SNTG1: variants seen among roughly 807,000 people sequenced by gnomAD.
The protein encoded by SNTG1 is gamma-1-syntrophin.
In SNTG1, 39 loss-of-function variants were observed where a neutral mutation model predicts 74.7. The ratio of observed to expected loss-of-function variants is 0.52; its 90% CI spans 0.40 to 0.68. The LOEUF (loss-of-function observed/expected upper bound fraction) is 0.68, where lower values mean the gene tolerates loss of function less well. Among genes scored for constraint, SNTG1 ranks in the 30% least tolerant of loss-of-function variants. The probability of loss-of-function intolerance (pLI) is 0.00; values close to 1 mark genes in which losing one functional copy is unlikely to be tolerated. For synonymous variants in SNTG1, 254 were observed against 217.1 expected (o/e 1.17, Z -1.49); for missense variants, 685 against 609.5 (o/e 1.12, Z -1.30).
intron 6 of SNTG1, among the ~76,000 whole-genome samples, chr8:50,450,085 A>G (rs2093442025): frequency 6.6e-6 from 1 of 152,234 alleles, no homozygotes; most frequent in African/African-American, 2.4e-5. Flanking sequence ...TCTCATTTGC[A>G]ATTTTACTCA....
intron 1 of SNTG1, among the ~76,000 whole-genome samples, chr8:50,001,242 T>C (rs1814710641): frequency 6.6e-6 from 1 of 152,138 alleles, no homozygotes; most frequent in African/African-American, 2.4e-5. Flanking sequence ...GTTTTTTAAT[T>C]GGTGCTTATT....
At chr8:50,474,728 T>A (rs2093682135) in intron 8 of SNTG1, among the ~76,000 whole-genome samples, 2 of 152,130 alleles carry the variant, frequency 1.3e-5, no homozygotes, top group African/African-American at 4.8e-5. Context: ...CATTACTGGG[T>A]ATCTACCCAA....
chr8:50,748,699 T>C, intron 17 of SNTG1, among the ~76,000 whole-genome samples: 1 of 151,928 alleles, frequency 6.6e-6, no homozygotes, highest in East Asian at 1.9e-4. Context: ...TTAAAATGTT[T>C]CAAAGCTTTT....
rs114086522 is a variant in SNTG1, at chr8:50,329,478, G to T, written c.-27-64734G>T. ...CTCAATTCTTGACTTCTGTGTACCT[G>T]CAGGCAAAACACCACGTAGAAGCTT... On this transcript the variant is annotated intron_variant, in intron 2 of 18. Transcript: ENST00000642720. Among the ~76,000 whole-genome samples the T allele has an allele frequency of 8.8e-3, 1,335 of 152,126 alleles. 25 individuals are homozygous for T. Among genetic ancestry groups the T allele is most frequent in the African/African-American group, 0.031 (1,267 of 41,506 alleles).
intron 8 of SNTG1, among the ~76,000 whole-genome samples, chr8:50,476,529 T>A (rs1487634629): frequency 1.3e-5 from 2 of 152,142 alleles, no homozygotes; most frequent in Non-Finnish European, 2.9e-5. Flanking sequence ...AGGTTACAAA[T>A]AAGCAAGGGG....
chr8:50,168,816 A>T (rs537420892), intron 1 of SNTG1, among the ~76,000 whole-genome samples: 1 of 152,204 alleles, frequency 6.6e-6, no homozygotes, highest in African/African-American at 2.4e-5. Flanking sequence ...AGAAATCTAC[A>T]GAGAGATCCA....
intron 4 of SNTG1, among the ~76,000 whole-genome samples, chr8:50,426,530 T>C (rs1168756877): frequency 2.0e-5 from 3 of 151,834 alleles, no homozygotes; most frequent in Non-Finnish European, 4.4e-5. Context: ...CTATACAATG[T>C]GTTTGTGTTT....
chr8:50,587,922 C>A (rs1246378089), intron 12 of SNTG1, among the ~76,000 whole-genome samples: 3 of 151,646 alleles, frequency 2.0e-5, no homozygotes, highest in Non-Finnish European at 2.9e-5. Flanking sequence ...CCATTCTGGC[C>A]AACATGGTGA....
rs1405561694 is a variant in SNTG1 at position 50,571,967 on chromosome 8, T to G, written c.810+18788T>G. ...GAGCAGAGGTGGTCACACACGTCAC[T>G]TGAGGGTGCTTTGAGCTTCTTATGT... On this transcript the variant is annotated intron_variant, in intron 12 of 18. Coordinates refer to ENST00000642720, the MANE Select transcript of SNTG1 (RefSeq NM_018967.5). Among the ~76,000 whole-genome samples the G allele has an allele frequency of 9.2e-5, 14 of 152,282 alleles. 1 individual carries two copies. The East Asian group carries it at 2.5e-3, about 27-fold the overall frequency.
At chr8:50,438,502 A>G in intron 4 of SNTG1, 41 bp from the exon 5 acceptor site, 1 of 1,568,874 alleles carries the variant, frequency 6.4e-7, no homozygotes, top group Non-Finnish European at 8.8e-7. Flanking sequence ...TAAGTATAGT[A>G]TTAGGAAACA....
rs545914364 is a variant in SNTG1, at chr8:50,081,374, C to G, written c.-102-91187C>G. ...CACTTTTTGGCTTTCAGTAGTTAGA[C>G]TACTATGTGTAGATGTGTTATCTCT... is the stretch of plus-strand genomic sequence containing the variant. On this transcript the variant is annotated intron_variant, in intron 1 of 18. Transcript: ENST00000642720. 3.3e-5 allele frequency among the ~76,000 whole-genome samples: 5 copies of G among 152,250 alleles called. No individual in the cohort carries two copies. In the South Asian group the frequency reaches 1.0e-3, roughly 32 times the overall value.
intron 1 of SNTG1, among the ~76,000 whole-genome samples, chr8:50,057,655 T>C (rs1235775654): frequency 6.6e-6 from 1 of 152,100 alleles, no homozygotes; most frequent in Non-Finnish European, 1.5e-5. Flanking sequence ...GTAAGGCCTA[T>C]AGCACTATGT....
At chr8:49,938,064 G>T (rs936240460) in intron 1 of SNTG1, among the ~76,000 whole-genome samples, 8 of 151,882 alleles carry the variant, frequency 5.3e-5, no homozygotes, top group African/African-American at 1.9e-4. Context: ...CTCATTATTG[G>T]TTCCCTGACT....
intron 2 of SNTG1, among the ~76,000 whole-genome samples, chr8:50,234,739 C>A (rs1483686659): frequency 6.6e-6 from 1 of 151,992 alleles, no homozygotes; most frequent in Non-Finnish European, 1.5e-5. Flanking sequence ...ATTATAAAAA[C>A]CCAACAAGAT....
chr8:50,116,215 A>T (rs2080815438), intron 1 of SNTG1, among the ~76,000 whole-genome samples: 1 of 152,216 alleles, frequency 6.6e-6, no homozygotes, highest in Non-Finnish European at 1.5e-5. Flanking sequence ...AGGGTGTCGG[A>T]TTCCAGACCC....
At chr8:50,597,236 A>T (rs1271869505) in intron 13 of SNTG1, among the ~76,000 whole-genome samples, 2 of 151,568 alleles carry the variant, frequency 1.3e-5, no homozygotes, top group African/African-American at 4.8e-5. Context: ...TGTTGCTGTG[A>T]ATGACAAGAT....
chr8:50,024,885 C>T (rs1432932413), intron 1 of SNTG1, among the ~76,000 whole-genome samples: 1 of 151,938 alleles, frequency 6.6e-6, no homozygotes, highest in Non-Finnish European at 1.5e-5. Flanking sequence ...GATTCATGTC[C>T]CGTGGCAAGA....
At chr8:50,575,137 C>A (rs768654346) in intron 12 of SNTG1, among the ~76,000 whole-genome samples, 2 of 152,122 alleles carry the variant, frequency 1.3e-5, no homozygotes, top group African/African-American at 2.4e-5. Context: ...TCTGTTCAGT[C>A]CTACAGCTAT....
At chr8:50,738,991 A>G (rs1466869248) in intron 17 of SNTG1, among the ~76,000 whole-genome samples, 1 of 152,158 alleles carries the variant, frequency 6.6e-6, no homozygotes. Flanking sequence ...ACCATTCAGG[A>G]CATAGGCATG....
Sources: allele counts gnomAD v4.1 joint callset (sites outside exome capture counted in the v4.1 genomes callset), GRCh38; gene constraint gnomAD v4.1.1; transcripts MANE v1.5; gene names NCBI Gene and HGNC (gene_info 2026-07-23, HGNC 2026-07-21).